The following DNAH8 variants were observed in gnomAD, a reference collection of about 807,000 sequenced individuals.
The protein encoded by DNAH8 is axonemal beta dynein heavy chain 8.
In DNAH8, 382 loss-of-function variants were observed where a neutral mutation model predicts 562.1. The observed-to-expected ratio is 0.68, with a 90% CI of 0.63 to 0.74. DNAH8 has a LOEUF of 0.74. Among genes scored for constraint, DNAH8 ranks in the 30% least tolerant of loss-of-function variants. The pLI is 0.00. For synonymous variants in DNAH8, 1,881 were observed against 1,919.4 expected (o/e 0.98, Z 0.52); for missense variants, 5,203 against 5,620.4 (o/e 0.93, Z 2.37).
chr6:39,008,409 T>C (rs1425137697), intron 88 of DNAH8, among the ~76,000 whole-genome samples: 1 of 152,104 alleles, frequency 6.6e-6, no homozygotes, highest in African/African-American at 2.4e-5. Context: ...TGAATGTTCC[T>C]CTTTGAGCCA....
chr6:38,719,028 C>A lies in DNAH8; in HGVS notation c.-35+3613C>A, dbSNP rs542996918. On this transcript the variant is annotated intron_variant, in intron 1 of 92. Coordinates refer to ENST00000327475, the MANE Select transcript of DNAH8 (RefSeq NM_001206927.2). ...AAATCCTCTTTGTCTATTTTGTCCA[C>A]GTTTCTCTCTTCCTTCTTTAAATTC... 2.0e-5 allele frequency among the ~76,000 whole-genome samples: 3 copies of A among 152,276 alleles called. No homozygotes were observed. In the South Asian group the frequency reaches 6.2e-4, roughly 32 times the overall value.
chr6:38,999,934 A>ATC (rs1765374986), intron 88 of DNAH8, among the ~76,000 whole-genome samples: 1 of 146,662 alleles, frequency 6.8e-6, no homozygotes, highest in African/African-American at 2.5e-5. Flanking sequence ...CACACACACA[A>ATC]ACACACACAC....
intron 16 of DNAH8, among the ~76,000 whole-genome samples, chr6:38,781,710 C>T (rs1768631348): frequency 3.9e-5 from 6 of 152,120 alleles, no homozygotes; most frequent in Admixed American, 3.9e-4. Context: ...AAGCTTACTT[C>T]TGTGTATGGG....
chr6:38,977,432 C>A (rs1251395458), intron 85 of DNAH8, among the ~76,000 whole-genome samples: 1 of 152,140 alleles, frequency 6.6e-6, no homozygotes, highest in Non-Finnish European at 1.5e-5. Flanking sequence ...CTTCTGCCTT[C>A]CTTATGGGAG....
At chr6:38,835,524 G>T (rs1413803558) in intron 32 of DNAH8, among the ~76,000 whole-genome samples, 1 of 152,206 alleles carries the variant, frequency 6.6e-6, no homozygotes, top group East Asian at 1.9e-4. Context: ...GATGGAGAAG[G>T]CTTCCTGAAA....
chr6:38,781,194 T>C (rs1005509281), intron 15 of DNAH8, 60 bp from the exon 16 acceptor site: 6 of 1,569,872 alleles, frequency 3.8e-6, no homozygotes, highest in Non-Finnish European at 3.5e-6. Flanking sequence ...TAGCTGTATA[T>C]ATTTTTTGCC....
Position 39,003,192 on chromosome 6 carries a change from C to A in DNAH8, c.13215-5622C>A, listed in dbSNP as rs112062300. Among the ~76,000 whole-genome samples, 304 of 152,284 alleles carry A rather than the reference C, an allele frequency of 2.0e-3. 1 individual carries two copies. The highest frequency in any genetic ancestry group is 6.9e-3 in the African/African-American group (286 of 41,548). ...GCAAATTTCACAAAAGGCTGTGGAA[C>A]TGACACCAGGGAAGGAGGAGAGAAA... is the stretch of plus-strand genomic sequence containing the variant. On this transcript the variant is annotated intron_variant, in intron 88 of 92. Coordinates refer to ENST00000327475, the MANE Select transcript of DNAH8 (RefSeq NM_001206927.2).
chr6:38,957,460 C>T (rs1762319771), intron 82 of DNAH8, among the ~76,000 whole-genome samples: 2 of 151,354 alleles, frequency 1.3e-5, no homozygotes, highest in Non-Finnish European at 2.9e-5. Context: ...AGAGTTAAAC[C>T]ATACTCTAAA....
rs1357433165 is a variant in DNAH8 at position 38,741,766 on chromosome 6, C to A, written c.1172C>A (p.Thr391Asn). 4 of 1,613,928 alleles carry A rather than the reference C, an allele frequency of 2.5e-6. No homozygotes were observed. ...GAAGCTGGTGATTCAGGTCCACTCA[C>A]TGAATTGGAACACTGGAAACGCATG... ...RKEAGDSGPLTELEHWKRMSA... is the reference protein window; with the variant it reads ...RKEAGDSGPLNELEHWKRMSA... Residue 391 changes from threonine to asparagine, a missense_variant, in exon 8 of 93, where the codon ACT (threonine) becomes AAT (asparagine). Around this residue, in one of 6 missense-constraint regions of DNAH8, gnomAD observed 556 missense variants for 496.9 expected, o/e 1.12. Transcript: ENST00000327475.
At chr6:38,965,173 T>A (rs776787515) in intron 82 of DNAH8, among the ~76,000 whole-genome samples, 2 of 151,858 alleles carry the variant, frequency 1.3e-5, no homozygotes, top group Non-Finnish European at 2.9e-5. Flanking sequence ...TACAAACCCT[T>A]GGAGTCAGAT....
chr6:38,886,686 T>C (rs938231994), intron 56 of DNAH8, 105 bp from the exon 57 acceptor site: 15 of 893,404 alleles, frequency 1.7e-5, no homozygotes, highest in East Asian at 7.7e-5. Context: ...ACTTCATTGA[T>C]AAGAGTTTAA....
intron 33 of DNAH8, among the ~76,000 whole-genome samples, chr6:38,839,777 C>T (rs1774624881): frequency 6.6e-6 from 1 of 152,106 alleles, no homozygotes; most frequent in South Asian, 2.1e-4. Context: ...ATTCGCCTGC[C>T]TCGGCCTCCC....
chr6:38,962,961 T>A (rs1457559249), intron 82 of DNAH8, among the ~76,000 whole-genome samples: 1 of 152,116 alleles, frequency 6.6e-6, no homozygotes, highest in East Asian at 1.9e-4. Flanking sequence ...ACAATGGACT[T>A]TGGGGACTGG....
At chr6:38,949,192 CT>C (rs767681732) in intron 80 of DNAH8, among the ~76,000 whole-genome samples, 6 of 152,182 alleles carry the variant, frequency 3.9e-5, no homozygotes, top group Non-Finnish European at 7.3e-5. Context: ...TGTGTTTCTT[CT>C]GGCCCAATCA....
intron 70 of DNAH8, among the ~76,000 whole-genome samples, chr6:38,919,487 C>T (rs1388803729): frequency 6.6e-6 from 1 of 151,826 alleles, no homozygotes; most frequent in Non-Finnish European, 1.5e-5. Context: ...AGAGGCAGTC[C>T]CGAGTAGGCA....
intron 82 of DNAH8, among the ~76,000 whole-genome samples, chr6:38,965,281 G>A (rs1280355851): frequency 6.6e-6 from 1 of 151,972 alleles, no homozygotes; most frequent in East Asian, 1.9e-4. Context: ...GGAAGATAGG[G>A]ATAAATAAAG....
intron 79 of DNAH8, among the ~76,000 whole-genome samples, chr6:38,942,504 T>C (rs946364082): frequency 1.3e-5 from 2 of 152,132 alleles, no homozygotes; most frequent in Non-Finnish European, 2.9e-5. Context: ...AGATAGGAGA[T>C]GCCCCTGCAT....
At chr6:38,924,309 A>G in intron 73 of DNAH8, 147 bp downstream of exon 73, 1 of 701,504 alleles carries the variant, frequency 1.4e-6, no homozygotes, top group South Asian at 1.9e-5. Context: ...TCAGGAGTTC[A>G]AGACCAGCCT....
At chr6:38,949,646 T>A in intron 81 of DNAH8, 76 bp downstream of exon 81, 2 of 868,606 alleles carry the variant, frequency 2.3e-6, no homozygotes, top group Non-Finnish European at 1.9e-6. Flanking sequence ...TCAGTGAGTT[T>A]ACTTCACTAT....
Sources: gnomAD v4.1 joint callset for allele counts (sites outside exome capture counted in the v4.1 genomes callset) on GRCh38, gnomAD v4.1.1 for gene constraint, gnomAD v4.1.1 regional missense constraint, MANE v1.5 for transcripts, NCBI Gene and HGNC (gene_info 2026-07-23, HGNC 2026-07-21) for gene names.